GPCPD1: variants seen among roughly 807,000 people sequenced by gnomAD.
GPCPD1 encodes glycerophosphocholine phosphodiesterase GPCPD1.
In GPCPD1, 29 loss-of-function variants were observed where a neutral mutation model predicts 89.2. The observed-to-expected ratio is 0.33, with a 90% CI of 0.24 to 0.44. The LOEUF (loss-of-function observed/expected upper bound fraction) is 0.44. GPCPD1 is among the 20% of genes least tolerant of loss of function. GPCPD1 has a pLI of 1.00. For synonymous variants in GPCPD1, 258 were observed against 266.3 expected (o/e 0.97, Z 0.30); for missense variants, 594 against 808.9 (o/e 0.73, Z 3.22).
At chr20:5,606,585 C>T (rs1201659920) in intron 1 of GPCPD1, among the ~76,000 whole-genome samples, 5 of 152,176 alleles carry the variant, frequency 3.3e-5, no homozygotes, top group African/African-American at 1.2e-4. Flanking sequence ...TTCTTCCCTC[C>T]AGGGGATTAT....
intron 1 of GPCPD1, among the ~76,000 whole-genome samples, chr20:5,606,974 C>G (rs1980626462): frequency 6.6e-6 from 1 of 152,136 alleles, no homozygotes; most frequent in South Asian, 2.1e-4. Flanking sequence ...GTTAGAATAC[C>G]CAATACTACA....
At chr20:5,579,334 G>A (rs1438378699) in intron 7 of GPCPD1, among the ~76,000 whole-genome samples, 2 of 151,980 alleles carry the variant, frequency 1.3e-5, no homozygotes. Context: ...TTCTTATGTA[G>A]CAGACAATCA....
At chr20:5,577,109 G>A (rs1978292480) in intron 8 of GPCPD1, among the ~76,000 whole-genome samples, 1 of 146,490 alleles carries the variant, frequency 6.8e-6, no homozygotes. Context: ...CTGTCACTCA[G>A]GCTGGAGTGC....
At chr20:5,559,455 C>T (rs112433903) in intron 17 of GPCPD1, among the ~76,000 whole-genome samples, 286 of 152,266 alleles carry the variant, frequency 1.9e-3, no homozygotes, top group Non-Finnish European at 1.1e-3. Context: ...CTTAATGGCA[C>T]ACACGTGCAG....
In GPCPD1 at chr20:5,584,386, A is replaced by G. The variant is rs907050889; in HGVS notation, c.308-64T>C. On this transcript the variant is annotated intron_variant, in intron 5 of 19. Transcript: ENST00000379019. ...TTGATGCATACCCAGTGAACAACTGAGAAATTACCCACCTTAAAGATCGTT... is the reference window on the plus strand; with the variant it reads ...TTGATGCATACCCAGTGAACAACTGGGAAATTACCCACCTTAAAGATCGTT... 106 of 730,254 alleles carry G rather than the reference A, an allele frequency of 1.5e-4. 4 individuals are homozygous for G. The highest frequency in any genetic ancestry group is 7.1e-4 in the Middle Eastern group (3 of 4,214). 45.2% of individuals were successfully genotyped at this position (730,254 alleles called of 1,614,324 possible). A position where few individuals can be genotyped will look rare whatever the true frequency, so the allele number is the denominator to read the frequency against.
chr20:5,579,951 A>C (rs1978342528), intron 7 of GPCPD1, 57 bp downstream of exon 7: 1 of 1,121,318 alleles, frequency 8.9e-7, no homozygotes, highest in South Asian at 1.4e-5. Context: ...ATTGAGTCTG[A>C]AATCTACAGC....
At chr20:5,594,784 C>T (rs898157376) in intron 3 of GPCPD1, among the ~76,000 whole-genome samples, 5 of 152,330 alleles carry the variant, frequency 3.3e-5, no homozygotes, top group African/African-American at 1.2e-4. Context: ...CTTTATTATA[C>T]TTCACAGATA....
intron 2 of GPCPD1, among the ~76,000 whole-genome samples, chr20:5,603,604 G>A (rs1165684036): frequency 1.3e-5 from 2 of 152,108 alleles, no homozygotes; most frequent in Non-Finnish European, 2.9e-5. Flanking sequence ...TGAGAGCCCA[G>A]GTGTGATACG....
intron 19 of GPCPD1, among the ~76,000 whole-genome samples, chr20:5,555,267 G>A (rs1985691267): frequency 6.6e-6 from 1 of 152,198 alleles, no homozygotes. Context: ...GGGGCAGGGA[G>A]TGGTGGCCAC....
intron 2 of GPCPD1, among the ~76,000 whole-genome samples, chr20:5,599,659 ATTCT>A (rs1013472674): frequency 2.0e-5 from 3 of 151,706 alleles, no homozygotes; most frequent in African/African-American, 7.3e-5. Context: ...GGTTCAAGCA[ATTCT>A]CCTGCCTCAG....
chr20:5,609,547 T>C (rs1166315605), intron 1 of GPCPD1, among the ~76,000 whole-genome samples: 1 of 152,244 alleles, frequency 6.6e-6, no homozygotes, highest in Non-Finnish European at 1.5e-5. Context: ...TATTATTCTC[T>C]TGTGTATGTT....
chr20:5,584,157 C>T, intron 6 of GPCPD1, 124 bp downstream of exon 6: 1 of 541,586 alleles, frequency 1.8e-6, no homozygotes, highest in East Asian at 3.1e-5. Context: ...TGTCTTTGAC[C>T]AAAATATCGT....
At chr20:5,588,989 G>A (rs1011828006) in intron 4 of GPCPD1, among the ~76,000 whole-genome samples, 1 of 152,198 alleles carries the variant, frequency 6.6e-6, no homozygotes, top group Non-Finnish European at 1.5e-5. Flanking sequence ...AATCAAGTAA[G>A]AATAATCCTT....
intron 1 of GPCPD1, among the ~76,000 whole-genome samples, chr20:5,605,448 G>C (rs533359078): frequency 5.3e-5 from 8 of 151,984 alleles, no homozygotes; most frequent in Non-Finnish European, 1.5e-5. Context: ...TTGAGAATCT[G>C]CTTCTAAGAC....
intron 8 of GPCPD1, among the ~76,000 whole-genome samples, chr20:5,576,456 T>C (rs1212126394): frequency 2.6e-5 from 4 of 151,952 alleles, no homozygotes; most frequent in Non-Finnish European, 4.4e-5. Flanking sequence ...CATTTTCAAT[T>C]TAAAGATCAA....
chr20:5,547,670 C>T lies in GPCPD1; in HGVS notation c.2010G>A (p.Glu670=). ...HVDANGIDNV[E]NA ...CTCTGTGCAATAAAAACTAAGCATT[C>T]TCCACGTTATCAATGCCGTTGGCAT... The change falls in exon 20 of 20, where the codon GAG becomes GAA. Residue 670 remains glutamate (E), a synonymous_variant. Transcript: ENST00000379019. The T allele has an allele frequency of 6.3e-7, 1 of 1,588,890 alleles. No homozygotes were observed. The highest frequency in any genetic ancestry group is 1.3e-5 in the African/African-American group (1 of 74,582).
chr20:5,590,749 T>C (rs1017477511), intron 4 of GPCPD1, among the ~76,000 whole-genome samples: 2 of 152,140 alleles, frequency 1.3e-5, no homozygotes, highest in African/African-American at 4.8e-5. Flanking sequence ...AAAATAATTA[T>C]CTATCGCAGG....
intron 1 of GPCPD1, among the ~76,000 whole-genome samples, chr20:5,605,416 C>A (rs1309533107): frequency 6.6e-6 from 1 of 152,174 alleles, no homozygotes; most frequent in Non-Finnish European, 1.5e-5. Context: ...AAACAAACTA[C>A]TTGTTATGTT....
rs571041821 is a variant in GPCPD1 at position 5,551,289 on chromosome 20, C to T, written c.1830-3439G>A. ...AAGCGCACACACACAAAGAAGTACA[C>T]GCATGAACAGGAAGTATCTAAAGGA... On this transcript the variant is annotated intron_variant, in intron 19 of 19. Transcript: ENST00000379019. Among the ~76,000 whole-genome samples, 4 of 152,276 alleles carry T rather than the reference C, an allele frequency of 2.6e-5. No homozygotes were observed. The South Asian group carries it at 6.2e-4, about 24-fold the overall frequency.
Sources: allele counts gnomAD v4.1 joint callset (sites outside exome capture counted in the v4.1 genomes callset), GRCh38; gene constraint gnomAD v4.1.1; transcripts MANE v1.5; gene names NCBI Gene and HGNC (gene_info 2026-07-23, HGNC 2026-07-21).